Variants in PTPRD observed in about 807,000 individuals in gnomAD.
PTPRD encodes the protein protein tyrosine phosphatase receptor type D.
Under a neutral mutation model 214.5 loss-of-function variants are expected in PTPRD, and 34 were observed. The ratio of observed to expected loss-of-function variants is 0.16; its 90% CI spans 0.12 to 0.21. PTPRD has a LOEUF of 0.21. Among genes scored for constraint, PTPRD ranks in the 10% least tolerant of loss-of-function variants. The pLI is 1.00. For synonymous variants in PTPRD, 1,128 were observed against 845.7 expected (o/e 1.33, Z -5.79); for missense variants, 2,545 against 2,398.7 (o/e 1.06, Z -1.27).
chr9:8,990,395 A>G (rs1432605306), intron 11 of PTPRD, among the ~76,000 whole-genome samples: 1 of 152,178 alleles, frequency 6.6e-6, no homozygotes, highest in African/African-American at 2.4e-5. Context: ...TGTAATTCAC[A>G]GAGAGCAGGG....
intron 12 of PTPRD, among the ~76,000 whole-genome samples, chr9:8,711,820 T>C (rs1215643780): frequency 6.6e-6 from 1 of 152,180 alleles, no homozygotes; most frequent in Admixed American, 6.5e-5. Context: ...CACCAAATAT[T>C]TGAAACAACC....
chr9:9,180,158 T>G (rs935549574), intron 10 of PTPRD, among the ~76,000 whole-genome samples: 3 of 151,536 alleles, frequency 2.0e-5, no homozygotes, highest in African/African-American at 7.3e-5. Context: ...GTATGTTTAT[T>G]GCGGCACTAT....
rs78011736 is a variant in PTPRD at position 10,351,497 on chromosome 9, T to C, written c.-599-10480A>G. ...CTCACCATTAAGAAAATATATTGTA[T>C]TGGAGTCATGAAGTGATTACTGACT... is the stretch of plus-strand genomic sequence containing the variant. On this transcript the variant is annotated intron_variant, in intron 2 of 45. Transcript: ENST00000381196. Among the ~76,000 whole-genome samples, 203 of 152,170 alleles carry C rather than the reference T, an allele frequency of 1.3e-3. 4 individuals are homozygous for C. In the East Asian group the frequency reaches 0.035, roughly 26 times the overall value.
chr9:9,960,396 C>T lies in PTPRD; in HGVS notation c.-471-21786G>A, dbSNP rs974437784. 9.2e-5 allele frequency among the ~76,000 whole-genome samples: 14 copies of T among 152,134 alleles called. 1 individual carries two copies. Among genetic ancestry groups the T allele is most frequent in the Middle Eastern group, 3.4e-3 (1 of 292 alleles). ...GCTACTCTATCTCAAGAAAGTGGAG[C>T]GTAACTTTCCACTCCTGCGCTGTGG... On this transcript the variant is annotated intron_variant, in intron 4 of 45. Coordinates refer to ENST00000381196, the MANE Select transcript of PTPRD (RefSeq NM_002839.4).
rs544588490 is a variant in PTPRD, at chr9:10,142,745, T to G, written c.-544-108955A>C. On this transcript the variant is annotated intron_variant, in intron 3 of 45. Transcript: ENST00000381196. ...TTCCTCAGGGATCTGGAACTAGAAA[T>G]ACCATTTGACCCAGCCATCCCATTA... Among the ~76,000 whole-genome samples the G allele has an allele frequency of 4.0e-3, 594 of 149,212 alleles. 3 individuals carry two copies. Among genetic ancestry groups the G allele is most frequent in the African/African-American group, 0.014 (564 of 40,182 alleles).
chr9:8,361,014 T>C (rs1428868317), intron 39 of PTPRD, among the ~76,000 whole-genome samples: 1 of 152,262 alleles, frequency 6.6e-6, no homozygotes, highest in Non-Finnish European at 1.5e-5. Flanking sequence ...TTCATTCTTA[T>C]GTTCAAACCT....
intron 2 of PTPRD, among the ~76,000 whole-genome samples, chr9:10,591,242 A>AT (rs1027625563): frequency 6.6e-6 from 1 of 151,586 alleles, no homozygotes; most frequent in African/African-American, 2.4e-5. Context: ...TATTTATATT[A>AT]TTTTTTGTTG....
At chr9:8,689,911 C>T (rs2097768157) in intron 12 of PTPRD, among the ~76,000 whole-genome samples, 1 of 151,864 alleles carries the variant, frequency 6.6e-6, no homozygotes, top group South Asian at 2.1e-4. Context: ...AGTTCAAGAC[C>T]AGCCTAGCCA....
intron 11 of PTPRD, among the ~76,000 whole-genome samples, chr9:8,808,054 G>A (rs1054982400): frequency 2.6e-5 from 4 of 152,184 alleles, no homozygotes; most frequent in African/African-American, 7.2e-5. Flanking sequence ...ACAAGGTCAT[G>A]AAAGTCCCCA....
At chr9:9,444,260 T>G (rs1489188535) in intron 8 of PTPRD, among the ~76,000 whole-genome samples, 1 of 152,162 alleles carries the variant, frequency 6.6e-6, no homozygotes, top group Non-Finnish European at 1.5e-5. Flanking sequence ...ACTTCTAGTT[T>G]TTTATTTTAA....
At chr9:9,256,076 G>GC (rs2099977575) in intron 9 of PTPRD, among the ~76,000 whole-genome samples, 1 of 151,938 alleles carries the variant, frequency 6.6e-6, no homozygotes. Context: ...TCACCCACTT[G>GC]CCATCTTCAG....
At chr9:10,583,850 G>A (rs1473618715) in intron 2 of PTPRD, among the ~76,000 whole-genome samples, 1 of 152,130 alleles carries the variant, frequency 6.6e-6, no homozygotes, top group African/African-American at 2.4e-5. Context: ...ATTTCGAAGG[G>A]CAGCTGTCAG....
At chr9:9,807,254 G>A (rs2045748686) in intron 5 of PTPRD, among the ~76,000 whole-genome samples, 1 of 152,156 alleles carries the variant, frequency 6.6e-6, no homozygotes, top group East Asian at 1.9e-4. Flanking sequence ...TCTGAGTGGT[G>A]TGGTGGAAGA....
chr9:9,450,948 C>T (rs1588784788), intron 8 of PTPRD, among the ~76,000 whole-genome samples: 2 of 124,484 alleles, frequency 1.6e-5, no homozygotes, highest in Admixed American at 1.8e-4. Context: ...TACATACATA[C>T]ATACACACAC....
intron 3 of PTPRD, among the ~76,000 whole-genome samples, chr9:10,092,236 T>A (rs2098439265): frequency 6.6e-6 from 1 of 151,500 alleles, no homozygotes; most frequent in Non-Finnish European, 1.5e-5. Context: ...AGCACACATT[T>A]CTGAGCAAAA....
chr9:9,819,151 T>C (rs1045455272), intron 5 of PTPRD, among the ~76,000 whole-genome samples: 4 of 152,170 alleles, frequency 2.6e-5, no homozygotes, highest in East Asian at 1.9e-4. Flanking sequence ...GAGGCAGAGA[T>C]TGGTAAGGAA....
At chr9:9,334,004 C>T (rs542024486) in intron 9 of PTPRD, among the ~76,000 whole-genome samples, 1 of 151,992 alleles carries the variant, frequency 6.6e-6, no homozygotes. Context: ...TATGACTAAG[C>T]TAGTCTGTAC....
chr9:8,622,614 T>A (rs754885312), intron 14 of PTPRD, among the ~76,000 whole-genome samples: 7 of 151,932 alleles, frequency 4.6e-5, no homozygotes, highest in Non-Finnish European at 1.0e-4. Context: ...TCTTTCCATC[T>A]TTTTATTCCC....
chr9:9,533,522 T>C (rs185137180), intron 8 of PTPRD, among the ~76,000 whole-genome samples: 139 of 152,210 alleles, frequency 9.1e-4, no homozygotes, highest in Non-Finnish European at 1.8e-3. Context: ...TTTTAAATTT[T>C]TTCTGTAATT....
Sources: gnomAD v4.1 joint callset for allele counts (sites outside exome capture counted in the v4.1 genomes callset) on GRCh38, gnomAD v4.1.1 for gene constraint, MANE v1.5 for transcripts, NCBI Gene and HGNC (gene_info 2026-07-23, HGNC 2026-07-21) for gene names.